The following CACNA2D1 variants were observed in gnomAD, a reference collection of about 807,000 sequenced individuals.
CACNA2D1 encodes calcium voltage-gated channel auxiliary subunit alpha2delta 1, also known as voltage-dependent calcium channel subunit alpha-2/delta-1.
Under a neutral mutation model 171.5 loss-of-function variants are expected in CACNA2D1, and 53 were observed. The ratio of observed to expected loss-of-function variants is 0.31; its 90% CI spans 0.25 to 0.39. The LOEUF (loss-of-function observed/expected upper bound fraction) is 0.39. Ranked by LOEUF, CACNA2D1 falls within the 10% of genes least tolerant of loss-of-function variation. The pLI, the probability that CACNA2D1 is intolerant of heterozygous loss-of-function variation, is 1.00. For missense variants in CACNA2D1, 903 were observed against 1,299.8 expected (o/e 0.69, Z 4.69); for synonymous variants, 442 against 443.1 (o/e 1.00, Z 0.03).
chr7:81,950,525 A>C lies in CACNA2D1; in HGVS notation c.3160-17T>G, dbSNP rs564122741. ...ATAATCCTCCTGTTGTTAAAAAAAA[A>C]AGAAAAGAACAGAAAAAGAAAAATC... On this transcript the variant is annotated splice_polypyrimidine_tract_variant and intron_variant, in intron 38 of 38. Transcript: ENST00000356860. The C allele has an allele frequency of 6.3e-7, 1 of 1,599,092 alleles. No individual in the cohort carries two copies. Among genetic ancestry groups the C allele is most frequent in the East Asian group, 2.2e-5 (1 of 44,480 alleles).
chr7:81,985,243 C>G lies in CACNA2D1; in HGVS notation c.1797-532G>C, dbSNP rs181690054. On this transcript the variant is annotated intron_variant, in intron 21 of 38. Transcript: ENST00000356860. ...GGAGACAAGGTCTCACTCTATCCCC[C>G]AGGCTGGAGTGCAGTGGTTTCGATC... Among the ~76,000 whole-genome samples, 378 of 147,924 alleles carry G rather than the reference C, an allele frequency of 2.6e-3. 3 individuals are homozygous for G. Among genetic ancestry groups the G allele is most frequent in the African/African-American group, 9.1e-3 (356 of 39,336 alleles).
intron 12 of CACNA2D1, among the ~76,000 whole-genome samples, chr7:82,018,905 A>C (rs758115762): frequency 1.6e-4 from 23 of 148,162 alleles, no homozygotes; most frequent in Admixed American, 4.1e-4. Context: ...GAATCGCTTG[A>C]ACCCAGGAGG....
At chr7:82,011,112 T>C (rs780363779) in intron 15 of CACNA2D1, among the ~76,000 whole-genome samples, 1 of 152,116 alleles carries the variant, frequency 6.6e-6, no homozygotes, top group Non-Finnish European at 1.5e-5. Context: ...TACTTTGTTG[T>C]GTGTGGTAGG....
intron 10 of CACNA2D1, among the ~76,000 whole-genome samples, chr7:82,044,105 G>C (rs891474834): frequency 6.6e-6 from 1 of 152,024 alleles, no homozygotes; most frequent in Non-Finnish European, 1.5e-5. Flanking sequence ...GACTGGTTTC[G>C]AATTCCTGGC....
chr7:82,193,897 T>A lies in CACNA2D1; in HGVS notation c.295-23288A>T, dbSNP rs3801715. Among the ~76,000 whole-genome samples, 1,085 of 152,102 alleles carry A rather than the reference T, an allele frequency of 7.1e-3. 21 individuals carry two copies. The highest frequency in any genetic ancestry group is 0.053 in the East Asian group (275 of 5,174). On this transcript the variant is annotated intron_variant, in intron 3 of 38. Coordinates refer to ENST00000356860, the MANE Select transcript of CACNA2D1 (RefSeq NM_000722.4). ...AATAATGGCTTTCAAAACATTCCCT[T>A]TATCTATTATGCATATTTTATCAAC...
intron 10 of CACNA2D1, 48 bp downstream of exon 10, chr7:82,060,380 T>C (rs761703339): frequency 5.5e-6 from 7 of 1,261,930 alleles, no homozygotes; most frequent in Non-Finnish European, 6.9e-6. Flanking sequence ...CAGGAGAAGA[T>C]AGAAATTGCA....
intron 6 of CACNA2D1, among the ~76,000 whole-genome samples, chr7:82,101,008 T>C (rs1042488015): frequency 2.0e-5 from 3 of 152,096 alleles, no homozygotes; most frequent in Admixed American, 2.0e-4. Context: ...ATCTAGAACT[T>C]ACTATTTATA....
intron 3 of CACNA2D1, among the ~76,000 whole-genome samples, chr7:82,332,536 AAG>A (rs767258866): frequency 2.8e-4 from 22 of 78,324 alleles, no homozygotes; most frequent in African/African-American, 5.9e-4. Context: ...GAAAGAAAGA[AAG>A]AAAGAAAGAA....
intron 1 of CACNA2D1, among the ~76,000 whole-genome samples, chr7:82,442,548 G>A (rs1830585374): frequency 6.6e-6 from 1 of 152,120 alleles, no homozygotes; most frequent in South Asian, 2.1e-4. Context: ...CCCTTCCTGT[G>A]GTGTGACTAT....
At chr7:81,981,682 T>C (rs573680062) in intron 24 of CACNA2D1, among the ~76,000 whole-genome samples, 4 of 151,836 alleles carry the variant, frequency 2.6e-5, no homozygotes, top group African/African-American at 9.7e-5. Flanking sequence ...GGAATAGGAG[T>C]CAAAAACTGA....
chr7:82,395,165 A>C (rs1222291515), intron 1 of CACNA2D1, among the ~76,000 whole-genome samples: 1 of 149,930 alleles, frequency 6.7e-6, no homozygotes, highest in African/African-American at 2.5e-5. Context: ...TATGTTGAGT[A>C]CTATTCTAGA....
chr7:82,028,150 C>T (rs991332718), intron 12 of CACNA2D1: 14 of 151,764 alleles, frequency 9.2e-5, no homozygotes, highest in African/African-American at 3.4e-4. Flanking sequence ...GTAGCTAATG[C>T]ACTTGGTGAC....
At chr7:81,982,711 G>T in intron 23 of CACNA2D1, 84 bp from the exon 24 acceptor site, 2 of 868,944 alleles carry the variant, frequency 2.3e-6, no homozygotes, top group Admixed American at 1.7e-5. Context: ...GCATGAGAAA[G>T]ATTACCTAAT....
At chr7:82,350,651 T>C (rs57674344) in intron 1 of CACNA2D1, among the ~76,000 whole-genome samples, 19,073 of 151,988 alleles carry the variant, frequency 0.13, 1,879 homozygotes, top group African/African-American at 0.27. Context: ...GGCGACAGAG[T>C]GAGACTCCGT....
chr7:82,303,245 C>A lies in CACNA2D1; in HGVS notation c.294+31890G>T, dbSNP rs146227270. Among the ~76,000 whole-genome samples the A allele has an allele frequency of 9.2e-5, 14 of 152,094 alleles. No homozygotes were observed. The East Asian group carries it at 2.7e-3, about 30-fold the overall frequency. ...ATCTCCTGACCTTGTGATCTGCCCA[C>A]CTTGGCCTCTACTAAAAATACAAAG... On this transcript the variant is annotated intron_variant, in intron 3 of 38. Transcript: ENST00000356860.
intron 5 of CACNA2D1, among the ~76,000 whole-genome samples, chr7:82,128,809 C>T (rs1384084213): frequency 6.6e-6 from 1 of 151,946 alleles, no homozygotes. Context: ...ACTCATATCC[C>T]ATACTCCCCT....
intron 3 of CACNA2D1, among the ~76,000 whole-genome samples, chr7:82,194,939 A>G (rs1162813902): frequency 2.0e-5 from 3 of 152,156 alleles, no homozygotes; most frequent in East Asian, 3.9e-4. Context: ...GATTCCAAGT[A>G]GTCATATGAA....
intron 4 of CACNA2D1, among the ~76,000 whole-genome samples, chr7:82,138,428 TTTGTTTTTTTTG>T (rs1791941064): frequency 2.6e-5 from 2 of 76,830 alleles, no homozygotes; most frequent in South Asian, 8.1e-4. Context: ...TAGCATTAGT[TTTGTTTTTTTTG>T]TTTTTTTTGT....
At chr7:82,163,464 A>C (rs1795141645) in intron 4 of CACNA2D1, among the ~76,000 whole-genome samples, 1 of 151,994 alleles carries the variant, frequency 6.6e-6, no homozygotes, top group Admixed American at 6.6e-5. Context: ...AAGAAGGAGA[A>C]ATACATGGAC....
Sources: allele counts gnomAD v4.1 joint callset (sites outside exome capture counted in the v4.1 genomes callset), GRCh38; gene constraint gnomAD v4.1.1; transcripts MANE v1.5; gene names NCBI Gene and HGNC (gene_info 2026-07-23, HGNC 2026-07-21).